The following EBF3 variants were observed in gnomAD, a reference collection of about 807,000 sequenced individuals.
EBF3 encodes the protein EBF transcription factor 3.
A neutral mutation model predicts 77.1 loss-of-function variants in EBF3; 18 were observed. That is an observed-to-expected ratio of 0.23 (90% CI 0.16 to 0.35). The LOEUF (loss-of-function observed/expected upper bound fraction) is 0.35. Among genes scored for constraint, EBF3 ranks in the 10% least tolerant of loss-of-function variants. The pLI is 1.00. For synonymous variants in EBF3, 350 were observed against 343.5 expected, an observed-to-expected ratio of 1.02 and a Z score of -0.21; for missense variants, 558 against 860.0, an observed-to-expected ratio of 0.65 and a Z score of 4.39.
At chr10:129,855,385 A>G (rs1225805696) in intron 10 of EBF3, among the ~76,000 whole-genome samples, 1 of 152,206 alleles carries the variant, frequency 6.6e-6, no homozygotes, top group Non-Finnish European at 1.5e-5. Flanking sequence ...CAACTATTGG[A>G]TTGCATTCAA....
rs774203238 is a variant in EBF3, at chr10:129,867,838, C to T, written c.856G>A (p.Asp286Asn). The change falls in exon 9 of 17, where the codon GAC becomes AAC. Residue 286 changes from aspartate (D) to asparagine (N), a missense_variant. Asp to Asn is a conservative substitution (Grantham distance 23, BLOSUM62 1). Transcript: ENST00000440978. ...ACTTGCAGCCCGTCAAAGAAGTTGT[C>T]GCCAATTATGATGACGGTGGCACCC... ...TGGATVIIIG[D>N]NFFDGLQVVF... 7 of 1,614,144 alleles carry T rather than the reference C, an allele frequency of 4.3e-6. No individual in the cohort carries two copies. The highest frequency in any genetic ancestry group is 3.3e-5 in the Admixed American group (2 of 60,010).
intron 6 of EBF3, among the ~76,000 whole-genome samples, chr10:129,914,659 T>G: frequency 6.6e-6 from 1 of 152,172 alleles, no homozygotes; most frequent in Non-Finnish European, 1.5e-5. Flanking sequence ...AGACCCACTG[T>G]GCGGCCGGTC....
intron 16 of EBF3, among the ~76,000 whole-genome samples, chr10:129,838,733 C>T (rs1276253277): frequency 3.3e-5 from 5 of 152,244 alleles, no homozygotes; most frequent in South Asian, 2.1e-4. Flanking sequence ...TCAGAATGAT[C>T]GTTCTCATTA....
At chr10:129,925,886 A>T (rs986152009) in intron 6 of EBF3, among the ~76,000 whole-genome samples, 7 of 152,122 alleles carry the variant, frequency 4.6e-5, no homozygotes, top group Admixed American at 4.6e-4. Flanking sequence ...CACCATGAAG[A>T]ATCCAGGACA....
chr10:129,963,276 G>C lies in EBF3; in HGVS notation c.291+91C>G, dbSNP rs1859670034. ...GTGGCCTGGCGGAGCCGAGCCCGCC[G>C]CCTAGGGGGGCACTCGAACCCCCGC... is the stretch of plus-strand genomic sequence containing the variant. On this transcript the variant is annotated intron_variant, in intron 2 of 16. Coordinates refer to ENST00000440978, the MANE Select transcript of EBF3 (RefSeq NM_001375380.1). This position sits in a 1 kb window ranked among gnomAD's most constrained non-coding sequence, Gnocchi z 7.1. The C allele has an allele frequency of 6.6e-7, 1 of 1,526,038 alleles. No homozygotes were observed. Among genetic ancestry groups the C allele is most frequent in the Admixed American group, 2.0e-5 (1 of 48,836 alleles). The allele number at this position is 1,526,038 out of a possible 1,614,324, so 94.5% of individuals were successfully genotyped here.
chr10:129,907,288 C>G (rs541672135), intron 6 of EBF3, among the ~76,000 whole-genome samples: 1 of 152,334 alleles, frequency 6.6e-6, no homozygotes, highest in South Asian at 2.1e-4. Flanking sequence ...GCCAAAGGCC[C>G]CTTGGCCTCA....
rs190324415 is a variant in EBF3 at position 129,905,394 on chromosome 10, A to G, written c.555-27545T>C. 1.1e-4 allele frequency among the ~76,000 whole-genome samples: 17 copies of G among 152,372 alleles called. No individual in the cohort carries two copies. The East Asian group carries it at 3.1e-3, about 28-fold the overall frequency. ...GTATTGAAATAATAATCTTTTGGCTATATGAAGGAAAAAATTCTTTCTTAT... is the reference window on the plus strand; with the variant it reads ...GTATTGAAATAATAATCTTTTGGCTGTATGAAGGAAAAAATTCTTTCTTAT... On this transcript the variant is annotated intron_variant, in intron 6 of 16. Transcript: ENST00000440978.
chr10:129,920,011 A>G (rs78354643), intron 6 of EBF3, among the ~76,000 whole-genome samples: 3,391 of 76,402 alleles, frequency 0.044, 124 homozygotes, highest in Middle Eastern at 0.088. Context: ...AACCCGCCCC[A>G]CTGTGCGGTC....
At chr10:129,847,368 C>T (rs1850546678) in intron 11 of EBF3, among the ~76,000 whole-genome samples, 1 of 152,198 alleles carries the variant, frequency 6.6e-6, no homozygotes, top group African/African-American at 2.4e-5. Context: ...GGGAAACACT[C>T]GTTCTGCCTG....
At chr10:129,936,048 G>A (rs773290175) in intron 6 of EBF3, among the ~76,000 whole-genome samples, 49 of 152,190 alleles carry the variant, frequency 3.2e-4, no homozygotes, top group Non-Finnish European at 5.9e-4. Context: ...AGATGGTTCT[G>A]GGGGACTGTG....
intron 6 of EBF3, among the ~76,000 whole-genome samples, chr10:129,932,045 G>C (rs1219188862): frequency 2.0e-5 from 3 of 152,124 alleles, no homozygotes; most frequent in Non-Finnish European, 4.4e-5. Context: ...GAGAGGGCTT[G>C]GTCCGCTCTC....
At position 129,835,818 on chromosome 10, in the gene EBF3, G is replaced by GTCTGCAAAGCACTT. The variant is rs1454335527; in HGVS notation, c.*2111_*2124dup. 1 of 151,504 alleles carries GTCTGCAAAGCACTT rather than the reference G, an allele frequency of 6.6e-6. No individual in the cohort carries two copies. Among genetic ancestry groups the GTCTGCAAAGCACTT allele is most frequent in the Non-Finnish European group, 1.5e-5 (1 of 67,932 alleles). The allele number at this position is 151,504 out of a possible 1,614,324, so 9.4% of individuals were successfully genotyped here. A position where few individuals can be genotyped will look rare whatever the true frequency, so the allele number is the denominator to read the frequency against. On this transcript the variant is annotated 3_prime_UTR_variant, in exon 17 of 17. Transcript: ENST00000440978. ...GTTTGCAAAATGTTTGCTGTGCCGT[G>GTCTGCAAAGCACTT]TCTGCAAAGCACTTAGTGCAAAGGA...
In EBF3 at chr10:129,861,597, T is replaced by C. The variant is rs536195012; in HGVS notation, c.1039+5544A>G. ...GGGACACAGACATCCTTGGACACCA[T>C]TGACTGGTAGGTTTGAAGCAGGACA... On this transcript the variant is annotated intron_variant, in intron 10 of 16. Coordinates refer to ENST00000440978, the MANE Select transcript of EBF3 (RefSeq NM_001375380.1). This position sits in a 1 kb window ranked among gnomAD's most constrained non-coding sequence, Gnocchi z 4.3. 1.6e-4 allele frequency among the ~76,000 whole-genome samples: 25 copies of C among 152,034 alleles called. No individual in the cohort carries two copies. The South Asian group carries it at 4.6e-3, about 28-fold the overall frequency.
chr10:129,883,533 A>T (rs1853356152), intron 6 of EBF3, among the ~76,000 whole-genome samples: 1 of 152,186 alleles, frequency 6.6e-6, no homozygotes, highest in Admixed American at 6.5e-5. Context: ...ATGGGCCTGC[A>T]GGCCATCCAT....
At chr10:129,851,878 C>T (rs763046195) in intron 10 of EBF3, among the ~76,000 whole-genome samples, 3 of 152,202 alleles carry the variant, frequency 2.0e-5, no homozygotes, top group Non-Finnish European at 4.4e-5. Context: ...GTTTCAAATA[C>T]ATTATTCGTC....
intron 8 of EBF3, among the ~76,000 whole-genome samples, chr10:129,868,117 C>A (rs974168760): frequency 6.6e-6 from 1 of 152,216 alleles, no homozygotes; most frequent in African/African-American, 2.4e-5. Context: ...GGCCGAGCTG[C>A]GGAATACTAG....
At position 129,842,147 on chromosome 10, in the gene EBF3, G is replaced by A. The variant is rs139982483; in HGVS notation, c.1341C>T (p.Asn447=). 313 of 1,614,136 alleles carry A rather than the reference G, an allele frequency of 1.9e-4. 1 individual carries two copies. The highest frequency in any genetic ancestry group is 2.4e-4 in the Non-Finnish European group (285 of 1,180,052). ...VNSFSSQLAV[N]VSETSQANDQ... ...CGTTGGCTTGTGACGTCTCTGACACGTTGACGGCTAGCTGGCTGCTGAAGG... is the reference window on the plus strand; with the variant it reads ...CGTTGGCTTGTGACGTCTCTGACACATTGACGGCTAGCTGGCTGCTGAAGG... The change falls in exon 13 of 17, where the codon AAC becomes AAT. Residue 447 remains asparagine, a synonymous_variant. Transcript: ENST00000440978. The surrounding 1 kb of genome is among the most constrained non-coding windows in gnomAD (Gnocchi z 4.4).
intron 8 of EBF3, among the ~76,000 whole-genome samples, chr10:129,869,589 C>T (rs1294691347): frequency 5.3e-5 from 8 of 152,134 alleles, no homozygotes; most frequent in Admixed American, 2.0e-4. Context: ...GGGAGTTTTC[C>T]GGAAGCCCGC....
intron 11 of EBF3, 180 bp from the exon 12 acceptor site, chr10:129,843,382 C>G (rs1590042782): frequency 1.7e-6 from 1 of 576,660 alleles, no homozygotes. Context: ...GCTGACAACA[C>G]TGTTTGTGGC....
Sources: allele counts gnomAD v4.1 joint callset (sites outside exome capture counted in the v4.1 genomes callset), GRCh38; gene constraint gnomAD v4.1.1; non-coding constraint Gnocchi (gnomAD v3.1); transcripts MANE v1.5; gene names NCBI Gene and HGNC (gene_info 2026-07-23, HGNC 2026-07-21).